Variants in TENM4 observed in about 807,000 individuals in gnomAD.
TENM4 encodes teneurin-4.
In TENM4, 82 loss-of-function variants were observed where a neutral mutation model predicts 243.3. The observed-to-expected ratio is 0.34, with a 90% confidence interval of 0.28 to 0.40. The LOEUF is 0.40. Ranked by LOEUF, TENM4 falls within the 10% of genes least tolerant of loss-of-function variation. The pLI is 1.00. For missense variants in TENM4, 3,138 were observed against 3,673.3 expected, an observed-to-expected ratio of 0.85 and a Z score of 3.77; for synonymous variants, 1,412 against 1,456.3, an observed-to-expected ratio of 0.97 and a Z score of 0.69.
At chr11:79,354,344 A>G (rs547580591) in intron 1 of TENM4, among the ~76,000 whole-genome samples, 6 of 152,358 alleles carry the variant, frequency 3.9e-5, no homozygotes, top group Admixed American at 3.9e-4. Context: ...AAGGAAGTCA[A>G]GGGAAATGAA....
At chr11:79,164,496 G>GTA (rs533550742) in intron 3 of TENM4, among the ~76,000 whole-genome samples, 1,611 of 120,480 alleles carry the variant, frequency 0.013, 12 homozygotes, top group African/African-American at 0.02. Flanking sequence ...TACATATAGT[G>GTA]TATATATATA....
intron 6 of TENM4, among the ~76,000 whole-genome samples, chr11:79,027,227 T>C (rs1859103508): frequency 6.6e-6 from 1 of 152,206 alleles, no homozygotes; most frequent in Admixed American, 6.5e-5. Flanking sequence ...GTGGCTTCCC[T>C]TCTGAAACCA....
chr11:78,807,250 T>C (rs925795689), intron 14 of TENM4, among the ~76,000 whole-genome samples: 1 of 152,200 alleles, frequency 6.6e-6, no homozygotes, highest in Non-Finnish European at 1.5e-5. Flanking sequence ...AAATTCTATT[T>C]TTGATTTTTT....
At chr11:79,197,682 T>A (rs1863658350) in intron 3 of TENM4, among the ~76,000 whole-genome samples, 1 of 152,226 alleles carries the variant, frequency 6.6e-6, no homozygotes, top group Admixed American at 6.5e-5. Context: ...CCCCAAGTTA[T>A]TTCTCCTCTG....
intron 2 of TENM4, among the ~76,000 whole-genome samples, chr11:79,222,914 G>C (rs1402890636): frequency 6.6e-6 from 1 of 152,038 alleles, no homozygotes; most frequent in Non-Finnish European, 1.5e-5. Context: ...TTGTCAGATG[G>C]GTAGATTGGG....
At position 78,888,197 on chromosome 11, in the gene TENM4, T is replaced by C. The variant is rs553365671; in HGVS notation, c.1084+1588A>G. 3.3e-5 allele frequency among the ~76,000 whole-genome samples: 5 copies of C among 152,356 alleles called. 1 individual carries two copies. The South Asian group carries it at 1.0e-3, about 32-fold the overall frequency. On this transcript the variant is annotated intron_variant, in intron 9 of 33. Transcript: ENST00000278550. ...GGGATGGCAAATACTTGACATGTCA[T>C]CAATATTCTCCATTTCTGTGACCAT...
At chr11:79,099,083 C>G (rs1026869705) in intron 4 of TENM4, among the ~76,000 whole-genome samples, 10 of 152,128 alleles carry the variant, frequency 6.6e-5, no homozygotes, top group East Asian at 5.8e-4. Context: ...CACCTGGGAA[C>G]TTTGGTACAC....
chr11:79,001,198 T>A (rs575267276), intron 6 of TENM4, among the ~76,000 whole-genome samples: 1 of 152,240 alleles, frequency 6.6e-6, no homozygotes, highest in South Asian at 2.1e-4. Flanking sequence ...CACAAACAGC[T>A]TCAAAGTAAA....
intron 12 of TENM4, among the ~76,000 whole-genome samples, chr11:78,839,725 A>C (rs1361219433): frequency 1.3e-5 from 2 of 152,212 alleles, no homozygotes; most frequent in Non-Finnish European, 2.9e-5. Flanking sequence ...TTTAACCAGG[A>C]ACCATAATAT....
At chr11:78,879,808 A>G (rs1167297126) in intron 9 of TENM4, among the ~76,000 whole-genome samples, 1 of 134,734 alleles carries the variant, frequency 7.4e-6, no homozygotes, top group African/African-American at 2.8e-5. Flanking sequence ...CTGCCCGGAC[A>G]CCACCCCATC....
At chr11:79,358,373 G>A (rs1019223504) in intron 1 of TENM4, among the ~76,000 whole-genome samples, 27 of 152,192 alleles carry the variant, frequency 1.8e-4, no homozygotes, top group African/African-American at 6.3e-4. Flanking sequence ...TTATGAGGTG[G>A]TATCCCCAGA....
At chr11:78,902,876 C>A (rs1289647977) in intron 7 of TENM4, among the ~76,000 whole-genome samples, 1 of 151,550 alleles carries the variant, frequency 6.6e-6, no homozygotes, top group Non-Finnish European at 1.5e-5. Flanking sequence ...GGGCCCGAGC[C>A]AAACCAGACT....
intron 3 of TENM4, among the ~76,000 whole-genome samples, chr11:79,164,282 A>ATATAGATATACTAGTATATATAGTG (rs1862849783): frequency 2.4e-5 from 3 of 127,626 alleles, no homozygotes; most frequent in African/African-American, 6.4e-5. Context: ...TATATATAGT[A>ATATAGATATACTAGTATATATAGTG]TATAGATATA....
chr11:79,186,122 A>T (rs1863375999), intron 3 of TENM4, among the ~76,000 whole-genome samples: 1 of 152,222 alleles, frequency 6.6e-6, no homozygotes, highest in Admixed American at 6.5e-5. Flanking sequence ...CTAACTCCAA[A>T]AACTATATTC....
At chr11:78,676,482 CTT>C in intron 29 of TENM4, 95 bp from the exon 30 acceptor site, 1 of 941,820 alleles carries the variant, frequency 1.1e-6, no homozygotes, top group Non-Finnish European at 1.5e-6. Flanking sequence ...TTAAAGGATG[CTT>C]TTCCTAACTA....
intron 1 of TENM4, among the ~76,000 whole-genome samples, chr11:79,377,380 C>A (rs1457735392): frequency 6.6e-6 from 1 of 152,088 alleles, no homozygotes; most frequent in Non-Finnish European, 1.5e-5. Context: ...GTCCAGACAC[C>A]CAGCATGTCA....
At chr11:78,832,957 C>T (rs747685119) in intron 12 of TENM4, among the ~76,000 whole-genome samples, 8 of 152,224 alleles carry the variant, frequency 5.3e-5, no homozygotes, top group Non-Finnish European at 1.0e-4. Flanking sequence ...TAAATGCATG[C>T]TTATTTGGGT....
At chr11:78,979,422 C>T (rs184677787) in intron 6 of TENM4, among the ~76,000 whole-genome samples, 99 of 152,286 alleles carry the variant, frequency 6.5e-4, no homozygotes, top group African/African-American at 2.2e-3. Context: ...ATTGATGGAG[C>T]CTTGGGGCTC....
chr11:79,329,122 G>T (rs1310277654), intron 1 of TENM4, among the ~76,000 whole-genome samples: 1 of 152,194 alleles, frequency 6.6e-6, no homozygotes, highest in Non-Finnish European at 1.5e-5. Flanking sequence ...TGGGCAAGTG[G>T]CAGCCTTCAC....
Sources: allele counts gnomAD v4.1 joint callset (sites outside exome capture counted in the v4.1 genomes callset), GRCh38; gene constraint gnomAD v4.1.1; transcripts MANE v1.5; gene names NCBI Gene and HGNC (gene_info 2026-07-23, HGNC 2026-07-21).